The following TMTC2 variants were observed in gnomAD, a reference collection of about 807,000 sequenced individuals.
TMTC2 encodes transmembrane O-mannosyltransferase targeting cadherins 2, also known as protein O-mannosyl-transferase TMTC2.
A neutral mutation model predicts 82.4 loss-of-function variants in TMTC2; 43 were observed. The observed-to-expected ratio is 0.52, with a 90% CI of 0.41 to 0.67. TMTC2 has a LOEUF of 0.67. Among genes scored for constraint, TMTC2 ranks in the 30% least tolerant of loss-of-function variants. The pLI is 0.00. For missense variants in TMTC2, 919 were observed against 1,012.4 expected (o/e 0.91, Z 1.25); for synonymous variants, 408 against 381.9 (o/e 1.07, Z -0.80).
intron 1 of TMTC2, chr12:82,760,275 C>G (rs1454439053): frequency 6.6e-6 from 1 of 151,938 alleles, no homozygotes; most frequent in Admixed American, 6.6e-5. Flanking sequence ...TGTGGTTAAG[C>G]ATCATCCTGG....
chr12:82,797,820 T>C (rs942458035), intron 1 of TMTC2, among the ~76,000 whole-genome samples: 11 of 151,740 alleles, frequency 7.2e-5, no homozygotes, highest in African/African-American at 2.7e-4. Context: ...ATACAATTTA[T>C]ATAAAATACT....
At chr12:82,816,137 G>A (rs1052252589) in intron 1 of TMTC2, among the ~76,000 whole-genome samples, 14 of 149,676 alleles carry the variant, frequency 9.4e-5, no homozygotes, top group Non-Finnish European at 1.9e-4. Context: ...TGAGTCGAAT[G>A]TGCTATCTTT....
chr12:82,812,812 T>C (rs1183773884), intron 1 of TMTC2, among the ~76,000 whole-genome samples: 1 of 152,076 alleles, frequency 6.6e-6, no homozygotes, highest in Non-Finnish European at 1.5e-5. Flanking sequence ...TTTTTTAATG[T>C]AAGAAATATT....
intron 8 of TMTC2, among the ~76,000 whole-genome samples, chr12:83,014,895 G>A (rs978722855): frequency 2.6e-5 from 4 of 152,118 alleles, no homozygotes; most frequent in African/African-American, 9.7e-5. Context: ...TGTTGTCAGA[G>A]CTTTACGTGT....
At chr12:83,028,386 T>C (rs1881270014) in intron 8 of TMTC2, among the ~76,000 whole-genome samples, 1 of 152,100 alleles carries the variant, frequency 6.6e-6, no homozygotes, top group Non-Finnish European at 1.5e-5. Context: ...AAGTACAGAG[T>C]GTTCCCATAA....
chr12:82,816,198 A>G (rs1255827250), intron 1 of TMTC2, among the ~76,000 whole-genome samples: 1 of 143,526 alleles, frequency 7.0e-6, no homozygotes, highest in Non-Finnish European at 1.5e-5. Flanking sequence ...GAAGGTTCCT[A>G]TTTAGAGAAT....
intron 1 of TMTC2, among the ~76,000 whole-genome samples, chr12:82,731,671 T>C (rs1874816408): frequency 6.6e-6 from 1 of 152,192 alleles, no homozygotes; most frequent in Admixed American, 6.5e-5. Flanking sequence ...AAGAAAAATA[T>C]GGGATACAGC....
intron 1 of TMTC2, 100 bp downstream of exon 1, chr12:82,687,769 C>A: frequency 1.7e-6 from 2 of 1,166,872 alleles, no homozygotes; most frequent in South Asian, 1.3e-5. Flanking sequence ...CTTGGAGGAA[C>A]TGGTTCAGCA....
chr12:83,122,602 G>T (rs568058585), intron 11 of TMTC2, among the ~76,000 whole-genome samples: 3 of 152,292 alleles, frequency 2.0e-5, no homozygotes, highest in South Asian at 2.1e-4. Context: ...TTTCGCCAGT[G>T]GGGGTGTGTG....
chr12:82,737,730 T>C (rs1592889256), intron 1 of TMTC2, among the ~76,000 whole-genome samples: 1 of 152,300 alleles, frequency 6.6e-6, no homozygotes, highest in East Asian at 1.9e-4. Flanking sequence ...ATACAGGAAT[T>C]TGAGGTTGAC....
At chr12:82,876,112 G>GTGA (rs1459964805) in intron 2 of TMTC2, among the ~76,000 whole-genome samples, 4 of 147,864 alleles carry the variant, frequency 2.7e-5, no homozygotes, top group South Asian at 2.1e-4. Flanking sequence ...GGTGGTGGTG[G>GTGA]TGGTGGTGGT....
At chr12:83,057,515 T>C (rs1367436524) in intron 10 of TMTC2, among the ~76,000 whole-genome samples, 1 of 151,980 alleles carries the variant, frequency 6.6e-6, no homozygotes, top group African/African-American at 2.4e-5. Flanking sequence ...CTGGTTTCAC[T>C]ATTTTAAGAT....
chr12:82,828,338 C>T (rs1384527657), intron 1 of TMTC2, among the ~76,000 whole-genome samples: 3 of 151,582 alleles, frequency 2.0e-5, no homozygotes, highest in South Asian at 2.1e-4. Flanking sequence ...CTCATCCTTC[C>T]GATTAGCTGG....
At chr12:83,059,232 T>C (rs1202431351) in intron 10 of TMTC2, among the ~76,000 whole-genome samples, 2 of 151,824 alleles carry the variant, frequency 1.3e-5, no homozygotes, top group African/African-American at 4.8e-5. Context: ...TTTTCAAATA[T>C]TGATTAATGA....
chr12:82,714,328 G>A (rs1873793725), intron 1 of TMTC2, among the ~76,000 whole-genome samples: 1 of 152,170 alleles, frequency 6.6e-6, no homozygotes, highest in Non-Finnish European at 1.5e-5. Flanking sequence ...TTAGAAAGTT[G>A]TAAAAAAGTA....
chr12:82,868,073 A>G (rs1052795316), intron 2 of TMTC2, among the ~76,000 whole-genome samples: 1 of 152,216 alleles, frequency 6.6e-6, no homozygotes, highest in Admixed American at 6.5e-5. Flanking sequence ...AATCAGGGAT[A>G]TAATATCTTC....
rs188019441 is a variant in TMTC2, at chr12:83,057,854, G to A, written c.2268-3914G>A. 2.4e-3 allele frequency among the ~76,000 whole-genome samples: 358 copies of A among 151,164 alleles called. 1 individual carries two copies. The highest frequency in any genetic ancestry group is 3.5e-3 in the Non-Finnish European group (239 of 67,850). On this transcript the variant is annotated intron_variant, in intron 10 of 11. Coordinates refer to ENST00000321196, the MANE Select transcript of TMTC2 (RefSeq NM_152588.3). ...CAATTCACAACTATCAATAATTGTA[G>A]TTAGAGAGTTTTACTTCTAAATGCC... is the stretch of plus-strand genomic sequence containing the variant.
At position 82,687,033 on chromosome 12, in the gene TMTC2, GC is replaced by G. The variant is rs981735670; in HGVS notation, c.-552del. ...AATAAACATTGAATGTGCAGCAGCT[GC>G]CTTGGCGGCCGGAGTCCGCCCGAGC... On this transcript the variant is annotated 5_prime_UTR_variant, in exon 1 of 12. It removes the in-frame stop codon of an upstream open reading frame in the 5' UTR. Coordinates refer to ENST00000321196, the MANE Select transcript of TMTC2 (RefSeq NM_152588.3). The G allele has an allele frequency of 1.2e-5, 2 of 161,380 alleles. No homozygotes were observed. Among genetic ancestry groups the G allele is most frequent in the African/African-American group, 4.8e-5 (2 of 41,506 alleles). The allele number at this position is 161,380 out of a possible 1,614,324, so 10.0% of individuals were successfully genotyped here. A position where few individuals can be genotyped will look rare whatever the true frequency, so the allele number is the denominator to read the frequency against.
intron 8 of TMTC2, among the ~76,000 whole-genome samples, chr12:82,989,343 T>C (rs1052212541): frequency 3.3e-5 from 5 of 152,110 alleles, no homozygotes. Flanking sequence ...CATCTCTGTT[T>C]CTGCTATTTA....
Sources: gnomAD v4.1 joint callset for allele counts (sites outside exome capture counted in the v4.1 genomes callset) on GRCh38, gnomAD v4.1.1 for gene constraint, MANE v1.5 for transcripts, NCBI Gene and HGNC (gene_info 2026-07-23, HGNC 2026-07-21) for gene names.